ADORA2B: variants seen among roughly 807,000 people sequenced by gnomAD.
ADORA2B encodes the protein adenosine A2b receptor.
Under a neutral mutation model 20.8 loss-of-function variants are expected in ADORA2B, and 18 were observed. That is an observed-to-expected ratio of 0.87 (90% CI 0.60 to 1.29). The LOEUF is 1.29. Ranked by LOEUF, ADORA2B falls within the 50% of genes most tolerant of loss-of-function variation. ADORA2B has a pLI of 0.00. For missense variants in ADORA2B, 441 were observed against 422.7 expected, an observed-to-expected ratio of 1.04 and a Z score of -0.38; for synonymous variants, 179 against 178.3, an observed-to-expected ratio of 1.00 and a Z score of -0.03.
chr17:15,898,922 C>T, the ADORA2B span, among the ~76,000 whole-genome samples: 1 of 151,848 alleles, frequency 6.6e-6, no homozygotes, highest in Non-Finnish European at 1.5e-5. Flanking sequence ...TTTTCAATAC[C>T]GTGATGTGGA....
the ADORA2B span, among the ~76,000 whole-genome samples, chr17:15,869,018 T>C: frequency 2.6e-3 from 392 of 151,858 alleles, no homozygotes; most frequent in Non-Finnish European, 4.7e-3. Context: ...TATTACTTTG[T>C]ATATTAAAAA....
chr17:15,975,426 C>G lies in ADORA2B; in HGVS notation c.*84C>G, dbSNP rs1035867449. 3.6e-6 allele frequency: 5 copies of G among 1,405,524 alleles called. No individual in the cohort carries two copies. Among genetic ancestry groups the G allele is most frequent in the Admixed American group, 2.0e-5 (1 of 49,428 alleles). 87.1% of individuals were successfully genotyped at this position (1,405,524 alleles called of 1,614,324 possible). On this transcript the variant is annotated 3_prime_UTR_variant, in exon 2 of 2. Transcript: ENST00000304222. Reference sequence around the variant, plus strand: ...GGCTGGTTTTCATTGTGAAAGATAGCTACACCTCACAAGGAAATGGACTGC... The same window carrying G: ...GGCTGGTTTTCATTGTGAAAGATAGGTACACCTCACAAGGAAATGGACTGC...
the ADORA2B span, among the ~76,000 whole-genome samples, chr17:15,935,211 TTTC>T: frequency 6.6e-6 from 1 of 152,226 alleles, no homozygotes; most frequent in Non-Finnish European, 1.5e-5. Context: ...TGTGCTTTCA[TTTC>T]AGCCTGAATA....
the ADORA2B span, among the ~76,000 whole-genome samples, chr17:15,896,968 G>A: frequency 6.6e-6 from 1 of 152,210 alleles, no homozygotes; most frequent in Non-Finnish European, 1.5e-5. Context: ...AAACCTGCAA[G>A]GGAGAGAGAG....
chr17:15,925,915 A>G, the ADORA2B span, among the ~76,000 whole-genome samples: 46,650 of 151,942 alleles, frequency 0.31, 9,032 homozygotes, highest in African/African-American at 0.56. Flanking sequence ...GGTTGCAATG[A>G]GCCGAGATCT....
At chr17:15,949,901 G>A (rs1435872595) in intron 1 of ADORA2B, among the ~76,000 whole-genome samples, 4 of 152,072 alleles carry the variant, frequency 2.6e-5, no homozygotes, top group African/African-American at 4.8e-5. Context: ...TCTGGCTCTG[G>A]GTTGTATCCT....
At chr17:15,957,187 G>A (rs1326252547) in intron 1 of ADORA2B, among the ~76,000 whole-genome samples, 4 of 152,238 alleles carry the variant, frequency 2.6e-5, no homozygotes, top group Non-Finnish European at 5.9e-5. Context: ...CTGCACCAGA[G>A]AAGGCTGATG....
chr17:15,850,797 G>C, the ADORA2B span: 1 of 153,508 alleles, frequency 6.5e-6, no homozygotes, highest in Non-Finnish European at 1.5e-5. Context: ...TGTGTGTTGT[G>C]TAAATTGGAT....
At chr17:15,896,887 G>A in the ADORA2B span, among the ~76,000 whole-genome samples, 1 of 152,190 alleles carries the variant, frequency 6.6e-6, no homozygotes, top group Non-Finnish European at 1.5e-5. Context: ...GCAGTACTCT[G>A]TTACATGGTC....
At chr17:15,852,061 TTGCC>T in the ADORA2B span, among the ~76,000 whole-genome samples, 2 of 152,252 alleles carry the variant, frequency 1.3e-5, no homozygotes, top group African/African-American at 4.8e-5. Flanking sequence ...CTTACATACT[TTGCC>T]TGTATTTATT....
At chr17:15,933,810 C>T in the ADORA2B span, among the ~76,000 whole-genome samples, 1 of 152,072 alleles carries the variant, frequency 6.6e-6, no homozygotes, top group East Asian at 1.9e-4. Flanking sequence ...TTTTAGTTCT[C>T]CTTTCTAATC....
the ADORA2B span, among the ~76,000 whole-genome samples, chr17:15,923,350 A>G: frequency 1.4e-5 from 2 of 141,320 alleles, no homozygotes; most frequent in South Asian, 4.5e-4. Flanking sequence ...ACACCCTGCC[A>G]TTGCCTCTCT....
At position 15,945,582 on chromosome 17, in the gene ADORA2B, A is replaced by G. The variant is rs1175644043; in HGVS notation, c.334A>G (p.Arg112Gly). The G allele has an allele frequency of 6.7e-7, 1 of 1,496,554 alleles. No homozygotes were observed. The highest frequency in any genetic ancestry group is 1.3e-5 in the South Asian group (1 of 75,640). 92.7% of individuals were successfully genotyped at this position (1,496,554 alleles called of 1,614,324 possible). A position where few individuals can be genotyped will look rare whatever the true frequency, so the allele number is the denominator to read the frequency against. ...DRYLAICVPL[R>G]YKSLVTGTRA... ...ATACCTGGCCATCTGTGTCCCGCTC[A>G]GGTGAGGCGCTCGGCGTCGCCCGAA... Residue 112 changes from arginine (R) to glycine (G), a missense_variant and splice_region_variant, in exon 1 of 2, where the codon AGG becomes GGG. Transcript: ENST00000304222.
rs1328904832 is a variant in ADORA2B, at chr17:15,959,007, G to A, written c.335+13424G>A. 2.0e-5 allele frequency among the ~76,000 whole-genome samples: 3 copies of A among 152,162 alleles called. No homozygotes were observed. The South Asian group carries it at 6.2e-4, about 32-fold the overall frequency. On this transcript the variant is annotated intron_variant, in intron 1 of 1. Coordinates refer to ENST00000304222, the MANE Select transcript of ADORA2B (RefSeq NM_000676.4). Reference sequence around the variant, plus strand: ...AATGTATGAACATGTGTCTCTGTGTGTGTATAATCGGGGGTGGGATTAGCT... The same window carrying A: ...AATGTATGAACATGTGTCTCTGTGTATGTATAATCGGGGGTGGGATTAGCT...
chr17:15,866,600 A>G, the ADORA2B span, among the ~76,000 whole-genome samples: 4 of 151,760 alleles, frequency 2.6e-5, no homozygotes, highest in Admixed American at 2.0e-4. Flanking sequence ...AATTCTTTAT[A>G]TATTCTCCAT....
At chr17:15,852,471 AT>A in the ADORA2B span, among the ~76,000 whole-genome samples, 15 of 152,186 alleles carry the variant, frequency 9.9e-5, no homozygotes, top group Non-Finnish European at 1.6e-4. Flanking sequence ...CATTAAAAAA[AT>A]ATATGGTGTC....
the ADORA2B span, among the ~76,000 whole-genome samples, chr17:15,869,906 A>C: frequency 1.3e-5 from 2 of 152,192 alleles, no homozygotes; most frequent in Non-Finnish European, 2.9e-5. Context: ...GTCCCTTCTT[A>C]TTTTATAAAG....
the ADORA2B span, among the ~76,000 whole-genome samples, chr17:15,938,457 C>G: frequency 2.0e-5 from 3 of 152,114 alleles, no homozygotes; most frequent in East Asian, 1.9e-4. Flanking sequence ...CGCCCGCCAC[C>G]ACGCCCGGCT....
the ADORA2B span, among the ~76,000 whole-genome samples, chr17:15,911,907 A>AT: frequency 6.6e-6 from 1 of 152,024 alleles, no homozygotes; most frequent in Non-Finnish European, 1.5e-5. Flanking sequence ...CTGCAAGAAA[A>AT]TTTTTTTAAA....
Sources: allele counts gnomAD v4.1 joint callset (sites outside exome capture counted in the v4.1 genomes callset), GRCh38; gene constraint gnomAD v4.1.1; transcripts MANE v1.5; gene names NCBI Gene and HGNC (gene_info 2026-07-23, HGNC 2026-07-21).